Variants in ZNF385D observed in about 807,000 individuals in gnomAD.
ZNF385D encodes the protein zinc finger protein 659.
A neutral mutation model predicts 35.8 loss-of-function variants in ZNF385D; 15 were observed. The observed-to-expected ratio is 0.42, with a 90% CI of 0.28 to 0.64. The LOEUF (loss-of-function observed/expected upper bound fraction) is 0.64. Ranked by LOEUF, ZNF385D falls within the 30% of genes least tolerant of loss-of-function variation. The probability of loss-of-function intolerance (pLI) is 0.23; values close to 1 mark genes in which losing one functional copy is unlikely to be tolerated. For missense variants in ZNF385D, 474 were observed against 494.6 expected, an observed-to-expected ratio of 0.96 and a Z score of 0.39; for synonymous variants, 212 against 186.8, an observed-to-expected ratio of 1.13 and a Z score of -1.10.
intron 3 of ZNF385D, among the ~76,000 whole-genome samples, chr3:21,760,065 G>A (rs2070533026): frequency 6.6e-6 from 1 of 152,064 alleles, no homozygotes; most frequent in Non-Finnish European, 1.5e-5. Context: ...GTGTGTAATG[G>A]GAAAACAAAA....
intron 4 of ZNF385D, among the ~76,000 whole-genome samples, chr3:21,461,845 G>A (rs1027560969): frequency 6.6e-6 from 1 of 152,226 alleles, no homozygotes; most frequent in Non-Finnish European, 1.5e-5. Context: ...GTCCAGCAAA[G>A]CAGTTTGCTG....
At chr3:21,601,494 G>A (rs1310492840) in intron 2 of ZNF385D, among the ~76,000 whole-genome samples, 1 of 152,192 alleles carries the variant, frequency 6.6e-6, no homozygotes, top group African/African-American at 2.4e-5. Flanking sequence ...TGGGGATGAG[G>A]CACTGGAGCG....
intron 3 of ZNF385D, among the ~76,000 whole-genome samples, chr3:21,910,752 A>C (rs1226051074): frequency 6.6e-6 from 1 of 151,714 alleles, no homozygotes; most frequent in Non-Finnish European, 1.5e-5. Context: ...TTATTGGAGA[A>C]GGCAGGACGG....
intron 2 of ZNF385D, among the ~76,000 whole-genome samples, chr3:22,170,522 T>G (rs774851106): frequency 6.6e-6 from 1 of 152,188 alleles, no homozygotes. Context: ...CATGCTTTCT[T>G]TGTGAACTAA....
At chr3:21,723,629 T>C (rs563130129) in intron 1 of ZNF385D, among the ~76,000 whole-genome samples, 1 of 152,260 alleles carries the variant, frequency 6.6e-6, no homozygotes, top group South Asian at 2.1e-4. Flanking sequence ...GAACAAAGCC[T>C]CCAAGAAATA....
intron 3 of ZNF385D, among the ~76,000 whole-genome samples, chr3:21,547,576 G>T (rs920454429): frequency 6.6e-6 from 1 of 151,122 alleles, no homozygotes; most frequent in East Asian, 2.0e-4. Flanking sequence ...ATCAGTCTTC[G>T]TTCTTATTCT....
intron 3 of ZNF385D, chr3:21,543,010 G>C (rs536401015): frequency 2.6e-5 from 4 of 152,752 alleles, no homozygotes; most frequent in Admixed American, 1.3e-4. Flanking sequence ...GTGAAAGGGG[G>C]ACTCAAAACC....
At chr3:22,316,664 T>G (rs569818851) in intron 2 of ZNF385D, among the ~76,000 whole-genome samples, 3 of 152,302 alleles carry the variant, frequency 2.0e-5, no homozygotes, top group East Asian at 1.9e-4. Context: ...AAACTCAGCT[T>G]GATCATCTAT....
At chr3:22,091,138 T>G (rs1365838711) in intron 3 of ZNF385D, among the ~76,000 whole-genome samples, 1 of 152,144 alleles carries the variant, frequency 6.6e-6, no homozygotes, top group Non-Finnish European at 1.5e-5. Flanking sequence ...GATTTCAGAT[T>G]TGTTAGCTTG....
chr3:21,428,207 A>G (rs1701109587), intron 5 of ZNF385D, among the ~76,000 whole-genome samples: 1 of 152,126 alleles, frequency 6.6e-6, no homozygotes, highest in Non-Finnish European at 1.5e-5. Context: ...TAATATAAAC[A>G]TAATTAGTAT....
intron 3 of ZNF385D, among the ~76,000 whole-genome samples, chr3:21,886,879 GC>G (rs996739318): frequency 6.6e-6 from 1 of 152,104 alleles, no homozygotes; most frequent in African/African-American, 2.4e-5. Flanking sequence ...GATCAGCAGT[GC>G]CCCCGTGGGT....
chr3:21,982,825 T>C (rs921830975), intron 3 of ZNF385D, among the ~76,000 whole-genome samples: 5 of 151,580 alleles, frequency 3.3e-5, no homozygotes, highest in Admixed American at 2.0e-4. Context: ...AGCCTTTTTT[T>C]TTGCATCTAT....
At chr3:21,869,015 A>T (rs1302074083) in intron 3 of ZNF385D, among the ~76,000 whole-genome samples, 1 of 152,074 alleles carries the variant, frequency 6.6e-6, no homozygotes, top group Non-Finnish European at 1.5e-5. Flanking sequence ...TACGGAAAAA[A>T]CAACATTCAT....
intron 3 of ZNF385D, among the ~76,000 whole-genome samples, chr3:21,896,331 T>G (rs259496): frequency 0.16 from 25,093 of 152,148 alleles, 2,381 homozygotes; most frequent in African/African-American, 0.21. Context: ...GTATCTATAT[T>G]TTAATAGATA....
intron 3 of ZNF385D, among the ~76,000 whole-genome samples, chr3:22,092,060 T>G (rs1196209013): frequency 6.6e-6 from 1 of 152,176 alleles, no homozygotes; most frequent in Non-Finnish European, 1.5e-5. Flanking sequence ...GTTGTTTCAC[T>G]TTTGAATAAA....
intron 3 of ZNF385D, among the ~76,000 whole-genome samples, chr3:21,884,774 A>G (rs938200273): frequency 1.3e-5 from 2 of 152,020 alleles, no homozygotes; most frequent in Non-Finnish European, 2.9e-5. Context: ...TTATACAGGG[A>G]GATTGAAATT....
Position 21,480,241 on chromosome 3 carries a change from T to G in ZNF385D, c.439+30620A>C, listed in dbSNP as rs1178461423. Among the ~76,000 whole-genome samples the G allele has an allele frequency of 2.0e-5, 3 of 151,888 alleles. No homozygotes were observed. The East Asian group carries it at 5.8e-4, about 29-fold the overall frequency. ...CCTCAGCCTCCCAAGTAGCTTGGAT[T>G]ACAGGCACCCACCACCACACCCAGC... On this transcript the variant is annotated intron_variant, in intron 4 of 7. Coordinates refer to ENST00000281523, the MANE Select transcript of ZNF385D (RefSeq NM_024697.3).
At chr3:22,145,969 G>A (rs528586340) in intron 3 of ZNF385D, among the ~76,000 whole-genome samples, 1 of 152,134 alleles carries the variant, frequency 6.6e-6, no homozygotes, top group East Asian at 1.9e-4. Context: ...ACAGCAACAG[G>A]ATTCAAGCCA....
At chr3:21,629,812 G>A (rs2065231671) in intron 2 of ZNF385D, among the ~76,000 whole-genome samples, 1 of 152,090 alleles carries the variant, frequency 6.6e-6, no homozygotes, top group Admixed American at 6.6e-5. Flanking sequence ...AGCAGAAAGA[G>A]GCAAAACTGG....
Sources: gnomAD v4.1 joint callset for allele counts (sites outside exome capture counted in the v4.1 genomes callset) on GRCh38, gnomAD v4.1.1 for gene constraint, MANE v1.5 for transcripts, NCBI Gene and HGNC (gene_info 2026-07-23, HGNC 2026-07-21) for gene names.